DPYD: variants seen among roughly 807,000 people sequenced by gnomAD.
DPYD encodes dihydropyrimidine dehydrogenase [NADP(+)].
DPYD carries 109 observed loss-of-function variants against 116.2 expected under a neutral mutation model. The observed-to-expected ratio is 0.94, with a 90% CI of 0.80 to 1.10. The LOEUF is 1.10. Ranked by LOEUF, DPYD falls within the 50% of genes least tolerant of loss-of-function variation. The pLI is 0.00. For missense variants in DPYD, 1,302 were observed against 1,254.5 expected (o/e 1.04, Z -0.57); for synonymous variants, 440 against 432.0 (o/e 1.02, Z -0.23).
intron 8 of DPYD, among the ~76,000 whole-genome samples, chr1:97,673,599 GA>G (rs1659987976): frequency 6.6e-6 from 1 of 152,078 alleles, no homozygotes; most frequent in Non-Finnish European, 1.5e-5. Context: ...CAGTCTTTAA[GA>G]AGCTTAACTT....
intron 8 of DPYD, among the ~76,000 whole-genome samples, chr1:97,627,820 T>G (rs943172963): frequency 6.6e-6 from 1 of 151,360 alleles, no homozygotes; most frequent in Non-Finnish European, 1.5e-5. Context: ...AATAGTATTA[T>G]ATATTAATAT....
chr1:97,352,612 G>A lies in DPYD; in HGVS notation c.2058+20949C>T, dbSNP rs967011790. Reference sequence around the variant, plus strand: ...GATTCTATGTGAACTGATCTACAGGGAAGAAATAGGTCTACACTGTTTTCA... The same window carrying A: ...GATTCTATGTGAACTGATCTACAGGAAAGAAATAGGTCTACACTGTTTTCA... On this transcript the variant is annotated intron_variant, in intron 16 of 22. Coordinates refer to ENST00000370192, the MANE Select transcript of DPYD (RefSeq NM_000110.4). Among the ~76,000 whole-genome samples the A allele has an allele frequency of 1.7e-4, 25 of 151,268 alleles. 1 individual carries two copies. Among genetic ancestry groups the A allele is most frequent in the African/African-American group, 6.1e-4 (25 of 41,218 alleles).
At chr1:97,696,164 A>AGG (rs1661296180) in intron 6 of DPYD, among the ~76,000 whole-genome samples, 3 of 150,770 alleles carry the variant, frequency 2.0e-5, no homozygotes, top group African/African-American at 7.3e-5. Context: ...GAAAAAAAGA[A>AGG]AAAAAAAAGG....
rs181402741 is a variant in DPYD at position 97,387,917 on chromosome 1, C to T, written c.1906-5456G>A. On this transcript the variant is annotated intron_variant, in intron 14 of 22. Transcript: ENST00000370192. ...TTTTATTGTTGGTGTAATGGGAGGCCGCAGAAAGGTTTAAAGGAGGGTGAT... is the reference window on the plus strand; with the variant it reads ...TTTTATTGTTGGTGTAATGGGAGGCTGCAGAAAGGTTTAAAGGAGGGTGAT... Among the ~76,000 whole-genome samples, 85 of 152,016 alleles carry T rather than the reference C, an allele frequency of 5.6e-4. 1 individual carries two copies. The highest frequency in any genetic ancestry group is 1.9e-3 in the African/African-American group (78 of 41,478).
At chr1:97,252,975 T>C (rs927007105) in intron 18 of DPYD, among the ~76,000 whole-genome samples, 2 of 152,144 alleles carry the variant, frequency 1.3e-5, no homozygotes, top group Non-Finnish European at 2.9e-5. Flanking sequence ...TATGAAGCAG[T>C]TCTTAAAATT....
chr1:97,363,686 G>T (rs1012444035), intron 16 of DPYD, among the ~76,000 whole-genome samples: 1 of 152,154 alleles, frequency 6.6e-6, no homozygotes, highest in African/African-American at 2.4e-5. Flanking sequence ...ATCATTCTGA[G>T]CAAACTAGCA....
chr1:97,558,681 G>A (rs369140093), intron 11 of DPYD, among the ~76,000 whole-genome samples: 2 of 152,092 alleles, frequency 1.3e-5, no homozygotes, highest in Admixed American at 6.6e-5. Context: ...GAATGGAAAC[G>A]ATGGATGTCA....
intron 4 of DPYD, among the ~76,000 whole-genome samples, chr1:97,738,397 TAAAG>T (rs1664080895): frequency 6.6e-6 from 1 of 151,934 alleles, no homozygotes; most frequent in African/African-American, 2.4e-5. Context: ...TGTAAGAAAA[TAAAG>T]AATGGAAGTA....
chr1:97,594,087 C>A (rs1205320662), intron 9 of DPYD, among the ~76,000 whole-genome samples: 1 of 152,084 alleles, frequency 6.6e-6, no homozygotes, highest in African/African-American at 2.4e-5. Context: ...AAGTAAAATG[C>A]AAGTATTCCT....
chr1:97,630,891 A>G (rs1657219223), intron 8 of DPYD, among the ~76,000 whole-genome samples: 1 of 152,140 alleles, frequency 6.6e-6, no homozygotes, highest in South Asian at 2.1e-4. Flanking sequence ...TGCCCTTTAC[A>G]AAGCCCATCA....
rs78176710 is a variant in DPYD, at chr1:97,699,662, C to T, written c.484-115G>A. The T allele has an allele frequency of 8.6e-4, 880 of 1,020,056 alleles. 8 individuals carry two copies. The East Asian group carries it at 0.02, about 23-fold the overall frequency. 63.2% of individuals were successfully genotyped at this position (1,020,056 alleles called of 1,614,324 possible). On this transcript the variant is annotated intron_variant, in intron 5 of 22. Transcript: ENST00000370192. ...TAAATAGCAATGAGCAGTACATTTT[C>T]AGTATTAATATGGTATACTTACAAC... is the stretch of plus-strand genomic sequence containing the variant.
intron 2 of DPYD, among the ~76,000 whole-genome samples, chr1:97,838,246 A>T (rs1289588759): frequency 1.3e-5 from 2 of 152,128 alleles, no homozygotes; most frequent in Non-Finnish European, 2.9e-5. Context: ...TCACAAAGAT[A>T]AAAAAATCCA....
At chr1:97,382,121 A>T (rs1181094280) in intron 15 of DPYD, among the ~76,000 whole-genome samples, 3 of 152,210 alleles carry the variant, frequency 2.0e-5, no homozygotes, top group African/African-American at 2.4e-5. Flanking sequence ...TTAACATGCA[A>T]ATAAAGAGTG....
chr1:97,885,657 C>A (rs1406891469), intron 1 of DPYD, among the ~76,000 whole-genome samples: 1 of 152,044 alleles, frequency 6.6e-6, no homozygotes, highest in Non-Finnish European at 1.5e-5. Context: ...TTACAAACAG[C>A]TACTACTCTC....
chr1:97,167,510 A>G (rs1017660482), intron 20 of DPYD, among the ~76,000 whole-genome samples: 2 of 152,150 alleles, frequency 1.3e-5, no homozygotes, highest in African/African-American at 4.8e-5. Context: ...TGCTTTCTAT[A>G]TTCTACAAAA....
intron 19 of DPYD, among the ~76,000 whole-genome samples, chr1:97,213,773 T>A (rs1217209067): frequency 6.6e-6 from 1 of 152,160 alleles, no homozygotes; most frequent in Non-Finnish European, 1.5e-5. Flanking sequence ...TCTGTTTTCT[T>A]TATCCCATTT....
At chr1:97,618,773 A>G (rs1656455117) in intron 8 of DPYD, among the ~76,000 whole-genome samples, 1 of 152,178 alleles carries the variant, frequency 6.6e-6, no homozygotes, top group Admixed American at 6.5e-5. Flanking sequence ...CCAGGCAATC[A>G]GGCTTCAAAA....
rs184536446 is a variant in DPYD, at chr1:97,546,369, G to C, written c.1524+3191C>G. Reference sequence around the variant, plus strand: ...TTGTTGGGAATGAAGCTGCAGTAAAGGAAGATGAAGAAGAAGTTTCAGATA... The same window carrying C: ...TTGTTGGGAATGAAGCTGCAGTAAACGAAGATGAAGAAGAAGTTTCAGATA... On this transcript the variant is annotated intron_variant, in intron 12 of 22. Transcript: ENST00000370192. The C allele has an allele frequency of 1.3e-3, 1,931 of 1,438,488 alleles. 18 individuals are homozygous for C. Among genetic ancestry groups the C allele is most frequent in the South Asian group, 0.011 (951 of 87,336 alleles). The allele number at this position is 1,438,488 out of a possible 1,614,324, so 89.1% of individuals were successfully genotyped here. A position where few individuals can be genotyped will look rare whatever the true frequency, so the allele number is the denominator to read the frequency against.
At chr1:97,183,741 T>G (rs559313747) in intron 20 of DPYD, among the ~76,000 whole-genome samples, 11 of 152,232 alleles carry the variant, frequency 7.2e-5, no homozygotes, top group South Asian at 2.1e-4. Flanking sequence ...TTAAGTCTTC[T>G]TTAATTTTTC....
Sources: allele counts gnomAD v4.1 joint callset (sites outside exome capture counted in the v4.1 genomes callset), GRCh38; gene constraint gnomAD v4.1.1; transcripts MANE v1.5; gene names NCBI Gene and HGNC (gene_info 2026-07-23, HGNC 2026-07-21).